The following PYCR2 variants were observed in gnomAD, a reference collection of about 807,000 sequenced individuals.
The protein encoded by PYCR2 is pyrroline-5-carboxylate reductase 2.
PYCR2 carries 17 observed loss-of-function variants against 23.4 expected under a neutral mutation model. The observed-to-expected ratio is 0.73, with a 90% CI of 0.50 to 1.09. PYCR2 has a LOEUF of 1.09. Among genes scored for constraint, PYCR2 ranks in the 50% least tolerant of loss-of-function variants. The pLI is 0.00. For synonymous variants in PYCR2, 172 were observed against 176.6 expected (o/e 0.97, Z 0.21); for missense variants, 380 against 423.5 (o/e 0.90, Z 0.90).
chr1:225,920,413 C>G lies in PYCR2; in HGVS notation c.*42G>C. 1 of 1,400,480 alleles carries G rather than the reference C, an allele frequency of 7.1e-7. No homozygotes were observed. Among genetic ancestry groups the G allele is most frequent in the Non-Finnish European group, 9.6e-7 (1 of 1,039,508 alleles). 86.8% of individuals were successfully genotyped at this position (1,400,480 alleles called of 1,614,324 possible). A position where few individuals can be genotyped will look rare whatever the true frequency, so the allele number is the denominator to read the frequency against. On this transcript the variant is annotated 3_prime_UTR_variant, in exon 7 of 7. Transcript: ENST00000343818. ...GGGGGTGGCAGGGGCGGCAGGGGCT[C>G]TCAACTAAGGGCTCTGAATCACAGA... is the stretch of plus-strand genomic sequence containing the variant.
intron 2 of PYCR2, 49 bp from the exon 3 acceptor site, chr1:225,922,432 C>A (rs1671868299): frequency 6.4e-7 from 1 of 1,571,962 alleles, no homozygotes; most frequent in Non-Finnish European, 8.7e-7. Flanking sequence ...CCTGGCTATG[C>A]CAAGGCCTCC....
chr1:225,921,515 C>A lies in PYCR2; in HGVS notation c.633+37G>T. The A allele has an allele frequency of 6.2e-7, 1 of 1,609,936 alleles. No homozygotes were observed. The highest frequency in any genetic ancestry group is 8.5e-7 in the Non-Finnish European group (1 of 1,176,232). Reference sequence around the variant, plus strand: ...GTGATGCACAAGAACCCCCATTCTACACCCTGGTCCTGAACATGCGGGGGA... The same window carrying A: ...GTGATGCACAAGAACCCCCATTCTAAACCCTGGTCCTGAACATGCGGGGGA... On this transcript the variant is annotated intron_variant, in intron 5 of 6. Coordinates refer to ENST00000343818, the MANE Select transcript of PYCR2 (RefSeq NM_013328.4). This position sits in a 1 kb window ranked among gnomAD's most constrained non-coding sequence, Gnocchi z 4.2.
rs1292216338 is a variant in PYCR2, at chr1:225,919,960, G to A, written c.*495C>T. ...TAAATGGTACACCTATGAAGCAAGA[G>A]TTAAATATAAACCCAGTCTAATCCT... On this transcript the variant is annotated 3_prime_UTR_variant, in exon 7 of 7. Coordinates refer to ENST00000343818, the MANE Select transcript of PYCR2 (RefSeq NM_013328.4). 1 of 152,610 alleles carries A rather than the reference G, an allele frequency of 6.6e-6. No individual in the cohort carries two copies. Among genetic ancestry groups the A allele is most frequent in the African/African-American group, 2.4e-5 (1 of 41,478 alleles). 9.5% of individuals were successfully genotyped at this position (152,610 alleles called of 1,614,324 possible).
Position 225,920,637 on chromosome 1 carries a change from A to T in PYCR2, c.798-17T>A. On this transcript the variant is annotated splice_polypyrimidine_tract_variant and intron_variant, in intron 6 of 6. Transcript: ENST00000343818. ...TGTAGCTCTCTGCAGACAAAACCCC[A>T]GAAGGATTAAAGGAAGGCAATAAAC... The T allele has an allele frequency of 6.2e-7, 1 of 1,611,792 alleles. No homozygotes were observed. The highest frequency in any genetic ancestry group is 8.5e-7 in the Non-Finnish European group (1 of 1,177,906).
rs1056934609 is a variant in PYCR2, at chr1:225,923,612, G to C, written c.138+89C>G. 8.7e-6 allele frequency: 14 copies of C among 1,603,288 alleles called. No individual in the cohort carries two copies. The Admixed American group carries it at 2.3e-4, about 27-fold the overall frequency. On this transcript the variant is annotated intron_variant, in intron 2 of 6. Coordinates refer to ENST00000343818, the MANE Select transcript of PYCR2 (RefSeq NM_013328.4). Reference sequence around the variant, plus strand: ...CACCGCCGGCCAAAGACCAGCACTTGGGCGCAGGGGCCGGCCAGACTCACT... The same window carrying C: ...CACCGCCGGCCAAAGACCAGCACTTCGGCGCAGGGGCCGGCCAGACTCACT...
chr1:225,921,762 C>T lies in PYCR2; in HGVS notation c.540+96G>A. On this transcript the variant is annotated intron_variant, in intron 4 of 6. Coordinates refer to ENST00000343818, the MANE Select transcript of PYCR2 (RefSeq NM_013328.4). The surrounding 1 kb of genome is among the most constrained non-coding windows in gnomAD (Gnocchi z 4.2). The stretch of plus-strand genomic sequence containing the variant: ...AGCATCCTGTACCAGCCAGCTGTGC[C>T]CAAGAGGTGGGCGCCACCCCCAGTC... 1 of 1,586,772 alleles carries T rather than the reference C, an allele frequency of 6.3e-7. No individual in the cohort carries two copies. The highest frequency in any genetic ancestry group is 8.6e-7 in the Non-Finnish European group (1 of 1,159,400).
chr1:225,924,237 G>T lies in PYCR2; in HGVS notation c.-127C>A. The T allele has an allele frequency of 9.1e-7, 1 of 1,093,832 alleles. No individual in the cohort carries two copies. Among genetic ancestry groups the T allele is most frequent in the Non-Finnish European group, 1.3e-6 (1 of 784,514 alleles). 67.8% of individuals were successfully genotyped at this position (1,093,832 alleles called of 1,614,324 possible). A position where few individuals can be genotyped will look rare whatever the true frequency, so the allele number is the denominator to read the frequency against. ...CGTGCCGAGGACCGGCGAGCTAACA[G>T]CAGCTTCTGGGATGGTGCAACCCTA... On this transcript the variant is annotated 5_prime_UTR_variant, in exon 1 of 7. In the 5' UTR this introduces an upstream ATG that the reference lacks. Coordinates refer to ENST00000343818, the MANE Select transcript of PYCR2 (RefSeq NM_013328.4).
intron 3 of PYCR2, 49 bp downstream of exon 3, chr1:225,922,155 T>G (rs773559206): frequency 8.7e-6 from 14 of 1,606,866 alleles, no homozygotes; most frequent in Non-Finnish European, 1.2e-5. Context: ...CTGCCATTCG[T>G]GGGTCAACCC....
Position 225,920,110 on chromosome 1 carries a change from C to T in PYCR2, c.*345G>A, listed in dbSNP as rs573544697. On this transcript the variant is annotated 3_prime_UTR_variant, in exon 7 of 7. Transcript: ENST00000343818. ...CCTTGGCATCACACCAACCCTGCCT[C>T]GGGCTTCAGCTGCAGATCCTCCCCA... The T allele has an allele frequency of 6.3e-5, 11 of 175,672 alleles. No homozygotes were observed. In the South Asian group the frequency reaches 1.4e-3, roughly 23 times the overall value. 10.9% of individuals were successfully genotyped at this position (175,672 alleles called of 1,614,324 possible).
Position 225,920,348 on chromosome 1 carries a change from C to T in PYCR2, c.*107G>A. The stretch of plus-strand genomic sequence containing the variant: ...GAAAACTTCCTAAGCATGCTTTCTC[C>T]TTGCACAGCTGAGGAGGGGCAATGG... On this transcript the variant is annotated 3_prime_UTR_variant, in exon 7 of 7. Transcript: ENST00000343818. 1 of 1,122,960 alleles carries T rather than the reference C, an allele frequency of 8.9e-7. No individual in the cohort carries two copies. The highest frequency in any genetic ancestry group is 1.2e-6 in the Non-Finnish European group (1 of 830,388). 69.6% of individuals were successfully genotyped at this position (1,122,960 alleles called of 1,614,324 possible).
chr1:225,923,037 T>A, intron 2 of PYCR2: 1 of 976,702 alleles, frequency 1.0e-6, no homozygotes, highest in Non-Finnish European at 1.2e-6. Context: ...CGACTCAGAA[T>A]AACAGCAAAG....
chr1:225,921,691 T>C lies in PYCR2; in HGVS notation c.541-47A>G. On this transcript the variant is annotated intron_variant, in intron 4 of 6. Coordinates refer to ENST00000343818, the MANE Select transcript of PYCR2 (RefSeq NM_013328.4). The surrounding 1 kb of genome is among the most constrained non-coding windows in gnomAD (Gnocchi z 4.2). ...CCCAGGCCATAGGCACTGAAGGGCC[T>C]TTCCTTAGGTCTGCTTTCTGATGAC... 1.2e-6 allele frequency: 2 copies of C among 1,605,886 alleles called. No individual in the cohort carries two copies. Among genetic ancestry groups the C allele is most frequent in the Non-Finnish European group, 1.7e-6 (2 of 1,172,572 alleles).
In PYCR2 at chr1:225,920,254, A is replaced by G. The variant is rs1559066966; in HGVS notation, c.*201T>C. 1 of 409,166 alleles carries G rather than the reference A, an allele frequency of 2.4e-6. No individual in the cohort carries two copies. Among genetic ancestry groups the G allele is most frequent in the East Asian group, 4.1e-5 (1 of 24,240 alleles). 25.3% of individuals were successfully genotyped at this position (409,166 alleles called of 1,614,324 possible). On this transcript the variant is annotated 3_prime_UTR_variant, in exon 7 of 7. Transcript: ENST00000343818. ...CCACCCCTTCAGAGCAACTTCCAACATGGGACAGGAGAGGAAGCTCGCATT... is the reference window on the plus strand; with the variant it reads ...CCACCCCTTCAGAGCAACTTCCAACGTGGGACAGGAGAGGAAGCTCGCATT...
rs149587849 is a variant in PYCR2 at position 225,922,042 on chromosome 1, C to A, written c.356G>T (p.Arg119Leu). The A allele has an allele frequency of 1.9e-6, 3 of 1,614,040 alleles. No individual in the cohort carries two copies. Among genetic ancestry groups the A allele is most frequent in the African/African-American group, 2.7e-5 (2 of 74,930 alleles). The change falls in exon 4 of 7, where the codon CGC becomes CTC. Residue 119 changes from arginine to leucine, a missense_variant. Arg to Leu is a moderately radical substitution (Grantham distance 102). Transcript: ENST00000343818. ...MAFQPAPKVI[R>L]CMTNTPVVVQ... The stretch of plus-strand genomic sequence containing the variant: ...TACCACAGGTGTGTTGGTCATGCAG[C>A]GAATCACTTTGGGGGCTGGCTGGAA...
Position 225,923,321 on chromosome 1 carries a change from G to A in PYCR2, c.138+380C>T, listed in dbSNP as rs558410485. ...GCTGAGGTGGGAGGCTGAGGTGGGAGGCGGAGGTTACAGTGAGCTGAGATC... is the reference window on the plus strand; with the variant it reads ...GCTGAGGTGGGAGGCTGAGGTGGGAAGCGGAGGTTACAGTGAGCTGAGATC... On this transcript the variant is annotated intron_variant, in intron 2 of 6. Transcript: ENST00000343818. 52 of 439,616 alleles carry A rather than the reference G, an allele frequency of 1.2e-4. 1 individual carries two copies. The South Asian group carries it at 3.3e-3, about 28-fold the overall frequency. The allele number at this position is 439,616 out of a possible 1,614,324, so 27.2% of individuals were successfully genotyped here.
rs1461089611 is a variant in PYCR2 at position 225,923,924 on chromosome 1, A to G, written c.67+120T>C. ...CAGAAGACGCACTTGCTGCTCAACC[A>G]GAGTCTCATCTACCCCACCGGACGC... On this transcript the variant is annotated intron_variant, in intron 1 of 6. Transcript: ENST00000343818. 2.0e-6 allele frequency: 3 copies of G among 1,473,030 alleles called. No individual in the cohort carries two copies. In the African/African-American group the frequency reaches 4.2e-5, roughly 21 times the overall value. The allele number at this position is 1,473,030 out of a possible 1,614,324, so 91.2% of individuals were successfully genotyped here.
In PYCR2 at chr1:225,921,258, GC is replaced by G; in HGVS notation, c.746del (p.Gly249AlafsTer39). 3 of 1,614,092 alleles carry G rather than the reference GC, an allele frequency of 1.9e-6. No individual in the cohort carries two copies. The highest frequency in any genetic ancestry group is 1.1e-5 in the South Asian group (1 of 91,084). The stretch of plus-strand genomic sequence containing the variant: ...CTGCATTGATGAGCAGAGAGCGGAA[GC>G]CCCCACTCTCTAGAAAGTGCAGGGC... The part of the protein sequence containing the change: ...IHALHFLESG[G>X]FRSLLINAVE... On this transcript the variant is annotated frameshift_variant, in exon 6 of 7. Coordinates refer to ENST00000343818, the MANE Select transcript of PYCR2 (RefSeq NM_013328.4). LOFTEE classifies it high-confidence loss of function. The surrounding 1 kb of genome is among the most constrained non-coding windows in gnomAD (Gnocchi z 4.2).
Position 225,922,198 on chromosome 1 carries a change from G to A in PYCR2, c.318+6C>T, listed in dbSNP as rs751460056. On this transcript the variant is annotated splice_donor_region_variant and intron_variant, in intron 3 of 6. Coordinates refer to ENST00000343818, the MANE Select transcript of PYCR2 (RefSeq NM_013328.4). The stretch of plus-strand genomic sequence containing the variant: ...ACACAAGGGGCATCAGGGCTGAGAT[G>A]GGCACCTTCTCCACAGAGCTGATGG... 12 of 1,612,024 alleles carry A rather than the reference G, an allele frequency of 7.4e-6. No individual in the cohort carries two copies. The South Asian group carries it at 1.2e-4, about 16-fold the overall frequency.
At position 225,920,224 on chromosome 1, in the gene PYCR2, A is replaced by G; in HGVS notation, c.*231T>C. On this transcript the variant is annotated 3_prime_UTR_variant, in exon 7 of 7. Transcript: ENST00000343818. ...CGCAGGGTTGTGTCTGGCTTCCAGC[A>G]TCTACCACCCCTTCAGAGCAACTTC... 3.1e-6 allele frequency: 1 copy of G among 327,038 alleles called. No individual in the cohort carries two copies. Among genetic ancestry groups the G allele is most frequent in the Non-Finnish European group, 5.5e-6 (1 of 181,138 alleles). 20.3% of individuals were successfully genotyped at this position (327,038 alleles called of 1,614,324 possible).
Sources: gnomAD v4.1 joint callset for allele counts on GRCh38, gnomAD v4.1.1 for gene constraint, Gnocchi (gnomAD v3.1) non-coding constraint, MANE v1.5 for transcripts, NCBI Gene and HGNC (gene_info 2026-07-23, HGNC 2026-07-21) for gene names.